PPIP5K2: variants seen among roughly 807,000 people sequenced by gnomAD.
The protein encoded by PPIP5K2 is inositol hexakisphosphate and diphosphoinositol-pentakisphosphate kinase 2.
PPIP5K2 carries 105 observed loss-of-function variants against 154.6 expected under a neutral mutation model. The observed-to-expected ratio is 0.68, with a 90% CI of 0.58 to 0.80. The LOEUF (loss-of-function observed/expected upper bound fraction) is 0.80, where lower values mean the gene tolerates loss of function less well. Ranked by LOEUF, PPIP5K2 falls within the 30% of genes least tolerant of loss-of-function variation. The probability of loss-of-function intolerance (pLI) is 0.00; values close to 1 mark genes in which losing one functional copy is unlikely to be tolerated. For missense variants in PPIP5K2, 992 were observed against 1,504.6 expected (o/e 0.66, Z 5.64); for synonymous variants, 480 against 490.3 (o/e 0.98, Z 0.28).
rs1803864920 is a variant in PPIP5K2 at position 103,212,641 on chromosome 5, A to G, written c.*11007A>G. On this transcript the variant is annotated 3_prime_UTR_variant, in exon 31 of 31. Coordinates refer to ENST00000358359, the MANE Select transcript of PPIP5K2 (RefSeq NM_001276277.3). ...CTCTTAGATTTTTCATAAAATGCTA[A>G]TAGAATCCCAAAGGAAGTGTGTATT... The G allele has an allele frequency of 6.6e-6, 1 of 152,160 alleles. No homozygotes were observed. Among genetic ancestry groups the G allele is most frequent in the African/African-American group, 2.4e-5 (1 of 41,454 alleles). 9.4% of individuals were successfully genotyped at this position (152,160 alleles called of 1,614,324 possible).
At chr5:103,186,181 G>T (rs1554224907) in intron 26 of PPIP5K2, 139 bp from the exon 27 acceptor site, 1 of 982,624 alleles carries the variant, frequency 1.0e-6, no homozygotes, top group African/African-American at 1.6e-5. Context: ...GAAATTACAA[G>T]AATATTGTGA....
intron 16 of PPIP5K2, 73 bp from the exon 17 acceptor site, chr5:103,159,073 A>G (rs993940894): frequency 1.6e-5 from 17 of 1,035,360 alleles, no homozygotes; most frequent in Non-Finnish European, 2.3e-5. Context: ...CTTTATGAAA[A>G]TCAGTATGTA....
At position 103,129,447 on chromosome 5, in the gene PPIP5K2, C is replaced by G. The variant is rs989208980; in HGVS notation, c.-143C>G. ...TATTTGCCAACAGTCATCATAATAT[C>G]AAGTGATTGTATAAGCAGAAACAAG... On this transcript the variant is annotated 5_prime_UTR_variant, in exon 2 of 31. In the 5' UTR this introduces an upstream ATG that the reference lacks. Coordinates refer to ENST00000358359, the MANE Select transcript of PPIP5K2 (RefSeq NM_001276277.3). 1 of 536,354 alleles carries G rather than the reference C, an allele frequency of 1.9e-6. No homozygotes were observed. Among genetic ancestry groups the G allele is most frequent in the African/African-American group, 1.9e-5 (1 of 51,426 alleles). 33.2% of individuals were successfully genotyped at this position (536,354 alleles called of 1,614,324 possible).
chr5:103,127,506 T>C (rs1279346365), intron 1 of PPIP5K2, among the ~76,000 whole-genome samples: 4 of 152,248 alleles, frequency 2.6e-5, no homozygotes, highest in South Asian at 2.1e-4. Flanking sequence ...TAAATAGTGT[T>C]TGTTGGATAA....
At chr5:103,134,474 A>T (rs1257347710) in intron 3 of PPIP5K2, among the ~76,000 whole-genome samples, 1 of 152,154 alleles carries the variant, frequency 6.6e-6, no homozygotes, top group East Asian at 1.9e-4. Flanking sequence ...TTACTTCAGC[A>T]AGAAGAAGAT....
chr5:103,135,936 T>C (rs1791413194), intron 3 of PPIP5K2: 1 of 151,706 alleles, frequency 6.6e-6, no homozygotes, highest in Non-Finnish European at 1.5e-5. Flanking sequence ...TGAGCATATA[T>C]GTCATATATG....
intron 5 of PPIP5K2, among the ~76,000 whole-genome samples, chr5:103,145,161 A>G (rs1793543434): frequency 6.6e-6 from 1 of 152,156 alleles, no homozygotes; most frequent in Admixed American, 6.5e-5. Flanking sequence ...AATATGCTCA[A>G]CGTCACCAAT....
At chr5:103,168,011 T>A in intron 18 of PPIP5K2, 61 bp from the exon 19 acceptor site, 1 of 1,049,574 alleles carries the variant, frequency 9.5e-7, no homozygotes, top group South Asian at 1.5e-5. Context: ...ATTAACATAT[T>A]AATATATATT....
At chr5:103,189,620 A>G (rs1159584782) in intron 28 of PPIP5K2, among the ~76,000 whole-genome samples, 1 of 152,026 alleles carries the variant, frequency 6.6e-6, no homozygotes, top group Non-Finnish European at 1.5e-5. Flanking sequence ...TTTTGTTTTT[A>G]AAGTATGTGT....
At chr5:103,153,099 A>T (rs1386649804) in intron 10 of PPIP5K2, among the ~76,000 whole-genome samples, 1 of 151,904 alleles carries the variant, frequency 6.6e-6, no homozygotes, top group Non-Finnish European at 1.5e-5. Context: ...GTTTTATAAC[A>T]TTCTCTTACT....
chr5:103,197,558 T>C lies in PPIP5K2; in HGVS notation c.3619+2533T>C, dbSNP rs1234385269. On this transcript the variant is annotated intron_variant, in intron 30 of 30. Coordinates refer to ENST00000358359, the MANE Select transcript of PPIP5K2 (RefSeq NM_001276277.3). The stretch of plus-strand genomic sequence containing the variant: ...CTTTGTATTTCTGTTGGTTTTATGT[T>C]TAAAACACAAATTTTTTTTTTTTTT... Among the ~76,000 whole-genome samples the C allele has an allele frequency of 1.3e-5, 2 of 150,026 alleles. 1 individual carries two copies. The highest frequency in any genetic ancestry group is 1.3e-4 in the Admixed American group (2 of 14,910).
At chr5:103,185,930 GTT>G (rs557317432) in intron 26 of PPIP5K2, among the ~76,000 whole-genome samples, 17 of 140,744 alleles carry the variant, frequency 1.2e-4, no homozygotes, top group African/African-American at 4.4e-4. Flanking sequence ...TAGAAGGAGT[GTT>G]TTTTTTTTTT....
chr5:103,139,418 G>T lies in PPIP5K2; in HGVS notation c.487+949G>T, dbSNP rs1312707463. ...CAAAAAATTAGTCCACCAAGGTGGT[G>T]CCTCTAGGAGTCAGCAAGAGTTTGT... On this transcript the variant is annotated intron_variant, in intron 5 of 30. Coordinates refer to ENST00000358359, the MANE Select transcript of PPIP5K2 (RefSeq NM_001276277.3). Among the ~76,000 whole-genome samples the T allele has an allele frequency of 2.6e-5, 4 of 152,150 alleles. No homozygotes were observed. The South Asian group carries it at 8.3e-4, about 32-fold the overall frequency.
chr5:103,162,919 C>T (rs1389706425), intron 17 of PPIP5K2, among the ~76,000 whole-genome samples: 1 of 152,082 alleles, frequency 6.6e-6, no homozygotes, highest in African/African-American at 2.4e-5. Flanking sequence ...ATATATACAT[C>T]TGGGTGTCCC....
At chr5:103,171,742 C>T (rs111683480) in intron 19 of PPIP5K2, among the ~76,000 whole-genome samples, 3 of 151,626 alleles carry the variant, frequency 2.0e-5, no homozygotes, top group African/African-American at 7.2e-5. Flanking sequence ...GGCCTCTTTC[C>T]TTAAATTTAT....
chr5:103,183,206 T>TACCCCAA, intron 24 of PPIP5K2, 28 bp from the exon 25 acceptor site: 1 of 919,486 alleles, frequency 1.1e-6, no homozygotes, highest in Non-Finnish European at 1.4e-6. Context: ...TTTTTTTTTT[T>TACCCCAA]TTTTTTTGCC....
intron 17 of PPIP5K2, among the ~76,000 whole-genome samples, chr5:103,161,731 G>T (rs1554215870): frequency 1.3e-5 from 2 of 151,984 alleles, no homozygotes; most frequent in East Asian, 1.9e-4. Flanking sequence ...CCATGTGTCT[G>T]TTGGCTGCAT....
intron 21 of PPIP5K2, among the ~76,000 whole-genome samples, chr5:103,175,881 A>G (rs569948312): frequency 6.6e-6 from 1 of 152,190 alleles, no homozygotes; most frequent in South Asian, 2.1e-4. Context: ...TCCAGGGGGA[A>G]AAATAATTAC....
At position 103,177,853 on chromosome 5, in the gene PPIP5K2, A is replaced by G. The variant is rs782317249; in HGVS notation, c.2638-11A>G. On this transcript the variant is annotated splice_polypyrimidine_tract_variant and intron_variant, in intron 22 of 30. Transcript: ENST00000358359. The stretch of plus-strand genomic sequence containing the variant: ...TTTCTCATTTTGAAAATGTTCTGTC[A>G]TATTTCTTAGGATCTTTCCTCAGAA... The G allele has an allele frequency of 4.4e-6, 7 of 1,605,808 alleles. No homozygotes were observed. The highest frequency in any genetic ancestry group is 2.2e-5 in the East Asian group (1 of 44,738).
Sources: allele counts gnomAD v4.1 joint callset (sites outside exome capture counted in the v4.1 genomes callset), GRCh38; gene constraint gnomAD v4.1.1; transcripts MANE v1.5; gene names NCBI Gene and HGNC (gene_info 2026-07-23, HGNC 2026-07-21).